The following NELFB variants were observed in gnomAD, a reference collection of about 807,000 sequenced individuals.
NELFB encodes the protein negative elongation factor complex member B.
A neutral mutation model predicts 60.2 loss-of-function variants in NELFB; 34 were observed. The observed-to-expected ratio is 0.56, with a 90% CI of 0.43 to 0.75. The LOEUF is 0.75. Among genes scored for constraint, NELFB ranks in the 30% least tolerant of loss-of-function variants. The pLI is 0.00. For synonymous variants in NELFB, 459 were observed against 382.1 expected (o/e 1.20, Z -2.35); for missense variants, 770 against 831.6 (o/e 0.93, Z 0.91).
chr9:137,256,433 G>A lies in NELFB; in HGVS notation c.510+5G>A. On this transcript the variant is annotated splice_donor_5th_base_variant and intron_variant, in intron 3 of 12. Coordinates refer to ENST00000343053, the MANE Select transcript of NELFB (RefSeq NM_015456.5). ...GTCATGAAGCACCTGCCCAAGGTAG[G>A]GCCCTAACCCTAACCCTGATGGCGT... The A allele has an allele frequency of 6.2e-7, 1 of 1,612,768 alleles. No individual in the cohort carries two copies. The highest frequency in any genetic ancestry group is 8.5e-7 in the Non-Finnish European group (1 of 1,179,548).
chr9:137,261,358 T>TAA (rs1164222280), intron 4 of NELFB, among the ~76,000 whole-genome samples: 14 of 81,178 alleles, frequency 1.7e-4, no homozygotes, highest in Non-Finnish European at 2.0e-4. Context: ...AAAAAAAAAG[T>TAA]AAAAAAAAAA....
In NELFB at chr9:137,256,325, C is replaced by T. The variant is rs376977965; in HGVS notation, c.411-4C>T. 41 of 1,613,172 alleles carry T rather than the reference C, an allele frequency of 2.5e-5. No homozygotes were observed. The African/African-American group carries it at 3.5e-4, about 14-fold the overall frequency. On this transcript the variant is annotated splice_region_variant and splice_polypyrimidine_tract_variant and intron_variant, in intron 2 of 12. Coordinates refer to ENST00000343053, the MANE Select transcript of NELFB (RefSeq NM_015456.5). The stretch of plus-strand genomic sequence containing the variant: ...TGCACCATCAATCCTGTGAGTTGTT[C>T]CAGGTACAAGAAGCTGGAAGACCTT...
chr9:137,264,874 T>G (rs1830498872), intron 6 of NELFB, among the ~76,000 whole-genome samples: 1 of 152,242 alleles, frequency 6.6e-6, no homozygotes, highest in East Asian at 1.9e-4. Context: ...AACTCTGCAT[T>G]CTGGAGCCAG....
At position 137,272,768 on chromosome 9, in the gene NELFB, G is replaced by A. The variant is rs1830599781; in HGVS notation, c.1741-14G>A. 5.2e-6 allele frequency: 8 copies of A among 1,538,266 alleles called. No homozygotes were observed. The East Asian group carries it at 1.7e-4, about 33-fold the overall frequency. On this transcript the variant is annotated splice_polypyrimidine_tract_variant and intron_variant, in intron 12 of 12. Coordinates refer to ENST00000343053, the MANE Select transcript of NELFB (RefSeq NM_015456.5). ...CCATGCGCCTCGCCTGCCCCATGGTGTGGTTCCCCGCAGAGCGGAGAGGCA... is the reference window on the plus strand; with the variant it reads ...CCATGCGCCTCGCCTGCCCCATGGTATGGTTCCCCGCAGAGCGGAGAGGCA...
chr9:137,259,614 G>A (rs1007428216), intron 4 of NELFB, among the ~76,000 whole-genome samples: 6 of 151,246 alleles, frequency 4.0e-5, no homozygotes, highest in African/African-American at 9.7e-5. Context: ...CGGCTTGGTC[G>A]GCTTAGTCCT....
chr9:137,268,998 A>G (rs115827479), intron 10 of NELFB, among the ~76,000 whole-genome samples: 2,349 of 152,182 alleles, frequency 0.015, 65 homozygotes, highest in African/African-American at 0.054. Flanking sequence ...TAACAGCGAG[A>G]ACGCTTTGGT....
At chr9:137,263,345 C>T (rs1396393900) in intron 5 of NELFB, 123 bp downstream of exon 5, 3 of 600,668 alleles carry the variant, frequency 5.0e-6, no homozygotes, top group Middle Eastern at 5.0e-4. Flanking sequence ...GGTAGCGCTG[C>T]CCTCCCTCCC....
rs949369407 is a variant in NELFB at position 137,273,030 on chromosome 9, C to T, written c.*102C>T. On this transcript the variant is annotated 3_prime_UTR_variant, in exon 13 of 13. Transcript: ENST00000343053. ...TGGATGTACAGGGCAGTCTCTCTTC[C>T]CGGGGCTATGGCTGGGCCTGTCCTG... 3 of 1,304,114 alleles carry T rather than the reference C, an allele frequency of 2.3e-6. No homozygotes were observed. Among genetic ancestry groups the T allele is most frequent in the African/African-American group, 3.0e-5 (2 of 66,826 alleles). 80.8% of individuals were successfully genotyped at this position (1,304,114 alleles called of 1,614,324 possible).
chr9:137,262,741 G>A (rs1247836411), intron 4 of NELFB, among the ~76,000 whole-genome samples: 1 of 152,180 alleles, frequency 6.6e-6, no homozygotes, highest in Admixed American at 6.5e-5. Context: ...TGAGGCAGGA[G>A]GATCACTTGA....
At chr9:137,259,719 A>G (rs1830402955) in intron 4 of NELFB, among the ~76,000 whole-genome samples, 1 of 144,812 alleles carries the variant, frequency 6.9e-6, no homozygotes. Flanking sequence ...TTATTTTTTT[A>G]TTATTTATTT....
chr9:137,268,024 C>T (rs576256256), intron 10 of NELFB, among the ~76,000 whole-genome samples: 5 of 152,258 alleles, frequency 3.3e-5, no homozygotes, highest in African/African-American at 1.2e-4. Context: ...CTCCTGGGGG[C>T]CTTGACGGGG....
At position 137,272,164 on chromosome 9, in the gene NELFB, G is replaced by GC; in HGVS notation, c.1576dup (p.Leu526ProfsTer2). On this transcript the variant is annotated frameshift_variant, in exon 11 of 13. Coordinates refer to ENST00000343053, the MANE Select transcript of NELFB (RefSeq NM_015456.5). LOFTEE classifies it high-confidence loss of function. ...CCTTGCGCTGCTGGCCGACGAATTT[G>GC]CCCTTGAGGACTTCTGCAGCAGCCT... is the stretch of plus-strand genomic sequence containing the variant. 6.2e-7 allele frequency: 1 copy of GC among 1,614,186 alleles called. No homozygotes were observed. The highest frequency in any genetic ancestry group is 8.5e-7 in the Non-Finnish European group (1 of 1,180,034).
chr9:137,256,483 C>T (rs1038329934), intron 3 of NELFB, 55 bp downstream of exon 3: 5 of 1,521,584 alleles, frequency 3.3e-6, no homozygotes, highest in Non-Finnish European at 4.5e-6. Flanking sequence ...CTCTCATGCC[C>T]TTGGTTAGTG....
chr9:137,257,698 C>T (rs1275550666), intron 4 of NELFB, among the ~76,000 whole-genome samples: 3 of 152,074 alleles, frequency 2.0e-5, no homozygotes, highest in African/African-American at 7.2e-5. Context: ...GATGGGATTT[C>T]TCCATGTTGG....
intron 6 of NELFB, among the ~76,000 whole-genome samples, chr9:137,265,452 G>A (rs1013074157): frequency 7.2e-6 from 1 of 139,082 alleles, no homozygotes; most frequent in Non-Finnish European, 1.5e-5. Context: ...GCAGTGACGC[G>A]ATCCTGGCTC....
Position 137,272,167 on chromosome 9 carries a change from C to T in NELFB, c.1576C>T (p.Leu526Phe), listed in dbSNP as rs368315683. Residue 526 changes from leucine to phenylalanine, a missense_variant, in exon 11 of 13, where the codon CTT becomes TTT. Leu to Phe is a conservative substitution (Grantham distance 22). Coordinates refer to ENST00000343053, the MANE Select transcript of NELFB (RefSeq NM_015456.5). Reference sequence around the variant, plus strand: ...TGCGCTGCTGGCCGACGAATTTGCCCTTGAGGACTTCTGCAGCAGCCTCTT... The same window carrying T: ...TGCGCTGCTGGCCGACGAATTTGCCTTTGAGGACTTCTGCAGCAGCCTCTT... 8.7e-6 allele frequency: 14 copies of T among 1,614,238 alleles called. No homozygotes were observed. The highest frequency in any genetic ancestry group is 1.2e-5 in the Non-Finnish European group (14 of 1,180,032).
chr9:137,267,518 A>T (rs9722720), intron 10 of NELFB, among the ~76,000 whole-genome samples, 172 bp downstream of exon 10: 1 of 140,662 alleles, frequency 7.1e-6, no homozygotes, highest in African/African-American at 2.7e-5. Context: ...TTTGAGATGG[A>T]GTCTTGCTCT....
In NELFB at chr9:137,259,811, G is replaced by A. The variant is rs181984868; in HGVS notation, c.741+2757G>A. 3.6e-3 allele frequency among the ~76,000 whole-genome samples: 542 copies of A among 149,306 alleles called. 3 individuals are homozygous for A. Among genetic ancestry groups the A allele is most frequent in the African/African-American group, 0.013 (517 of 40,726 alleles). Reference sequence around the variant, plus strand: ...ACGATCTTGGCTCACTGCAAGCTCCGCCTCCCGGGTTCACTCCATTCTCCT... The same window carrying A: ...ACGATCTTGGCTCACTGCAAGCTCCACCTCCCGGGTTCACTCCATTCTCCT... On this transcript the variant is annotated intron_variant, in intron 4 of 12. Transcript: ENST00000343053.
Position 137,255,580 on chromosome 9 carries a change from C to T in NELFB, c.215C>T (p.Thr72Met). 1.3e-6 allele frequency: 2 copies of T among 1,549,648 alleles called. No homozygotes were observed. Among genetic ancestry groups the T allele is most frequent in the South Asian group, 1.2e-5 (1 of 84,132 alleles). Residue 72 changes from threonine to methionine, a missense_variant, in exon 1 of 13, where the codon ACG becomes ATG. Transcript: ENST00000343053. The stretch of plus-strand genomic sequence containing the variant: ...CTGAAGGAGACCCTGACCAACTGCA[C>T]GGAGCCGCTCAAGGCCATCGAGCAG...
Sources: gnomAD v4.1 joint callset for allele counts (sites outside exome capture counted in the v4.1 genomes callset) on GRCh38, gnomAD v4.1.1 for gene constraint, MANE v1.5 for transcripts, NCBI Gene and HGNC (gene_info 2026-07-23, HGNC 2026-07-21) for gene names.